The following GPC5 variants were observed in gnomAD, a reference collection of about 807,000 sequenced individuals.
GPC5 encodes the protein glypican-5.
Under a neutral mutation model 53.9 loss-of-function variants are expected in GPC5, and 47 were observed. The observed-to-expected ratio is 0.87, with a 90% CI of 0.69 to 1.11. GPC5 has a LOEUF of 1.11. Among genes scored for constraint, GPC5 ranks in the 50% most tolerant of loss-of-function variants. GPC5 has a pLI of 0.00. For synonymous variants in GPC5, 286 were observed against 263.3 expected, an observed-to-expected ratio of 1.09 and a Z score of -0.84; for missense variants, 748 against 713.1, an observed-to-expected ratio of 1.05 and a Z score of -0.56.
intron 6 of GPC5, among the ~76,000 whole-genome samples, chr13:92,131,192 C>T (rs557685168): frequency 4.8e-4 from 73 of 151,896 alleles, no homozygotes; most frequent in Non-Finnish European, 8.8e-4. Context: ...TCAAGGGTTT[C>T]AGAAGGTGTG....
intron 6 of GPC5, among the ~76,000 whole-genome samples, chr13:91,936,525 T>C (rs2039872756): frequency 6.6e-6 from 1 of 152,130 alleles, no homozygotes; most frequent in Non-Finnish European, 1.5e-5. Flanking sequence ...AAGAAACTTG[T>C]AACGAAAGTA....
At chr13:92,607,292 T>C (rs937537872) in intron 7 of GPC5, among the ~76,000 whole-genome samples, 3 of 152,214 alleles carry the variant, frequency 2.0e-5, no homozygotes, top group African/African-American at 7.2e-5. Flanking sequence ...TCAATTACTT[T>C]TAATGATTGT....
chr13:92,258,553 C>CA lies in GPC5; in HGVS notation c.1561+113567dup, dbSNP rs2042743040. Among the ~76,000 whole-genome samples, 7 of 152,198 alleles carry CA rather than the reference C, an allele frequency of 4.6e-5. No individual in the cohort carries two copies. The South Asian group carries it at 1.5e-3, about 32-fold the overall frequency. On this transcript the variant is annotated intron_variant, in intron 7 of 7. Coordinates refer to ENST00000377067, the MANE Select transcript of GPC5 (RefSeq NM_004466.6). ...TTTCCATTTTAACTTATAACTAGTGCAAAGGTAAAACACTTTTTGGATTTA... is the reference window on the plus strand; with the variant it reads ...TTTCCATTTTAACTTATAACTAGTGCAAAAGGTAAAACACTTTTTGGATTTA...
At chr13:92,685,513 A>T (rs9523765) in intron 7 of GPC5, among the ~76,000 whole-genome samples, 78,344 of 148,750 alleles carry the variant, frequency 0.53, 21,393 homozygotes, top group East Asian at 0.82. Context: ...TTTTAAAAAA[A>T]TAATCAAGTT....
chr13:92,126,473 T>A (rs188496686), intron 6 of GPC5, among the ~76,000 whole-genome samples: 1 of 152,132 alleles, frequency 6.6e-6, no homozygotes, highest in Non-Finnish European at 1.5e-5. Flanking sequence ...AAGTAATAAG[T>A]AATGTGGGAA....
At chr13:91,596,986 T>C (rs1335650255) in intron 2 of GPC5, among the ~76,000 whole-genome samples, 3 of 152,216 alleles carry the variant, frequency 2.0e-5, no homozygotes, top group Non-Finnish European at 4.4e-5. Context: ...CTTTGATTTC[T>C]CCAGACTCTC....
chr13:92,716,011 CTAAGTT>C (rs1010279589), intron 7 of GPC5, among the ~76,000 whole-genome samples: 1 of 151,974 alleles, frequency 6.6e-6, no homozygotes, highest in African/African-American at 2.4e-5. Context: ...ATATTTTTGC[CTAAGTT>C]TTTCTTTTTC....
At chr13:92,747,513 G>C (rs1238335759) in intron 7 of GPC5, among the ~76,000 whole-genome samples, 1 of 151,984 alleles carries the variant, frequency 6.6e-6, no homozygotes, top group Non-Finnish European at 1.5e-5. Flanking sequence ...CAAGTCACTG[G>C]GGGTATGCAT....
At chr13:92,073,917 C>T (rs2041233056) in intron 6 of GPC5, among the ~76,000 whole-genome samples, 1 of 152,190 alleles carries the variant, frequency 6.6e-6, no homozygotes, top group Non-Finnish European at 1.5e-5. Context: ...AGTGAGTTCT[C>T]ATGAGAGCTG....
chr13:91,692,784 C>A (rs2035783505), intron 2 of GPC5, among the ~76,000 whole-genome samples: 1 of 152,186 alleles, frequency 6.6e-6, no homozygotes, highest in Non-Finnish European at 1.5e-5. Flanking sequence ...ACTGGGATTA[C>A]AGGCATCTGC....
intron 5 of GPC5, among the ~76,000 whole-genome samples, chr13:91,761,340 G>A (rs1429936919): frequency 1.3e-5 from 2 of 152,026 alleles, no homozygotes; most frequent in East Asian, 1.9e-4. Flanking sequence ...TCATCAACAC[G>A]GAACTTCTGT....
chr13:92,732,178 A>AGTATAT (rs1888826190), intron 7 of GPC5, among the ~76,000 whole-genome samples: 1 of 151,664 alleles, frequency 6.6e-6, no homozygotes, highest in Admixed American at 6.6e-5. Context: ...CTTTCAAAAC[A>AGTATAT]GTATATGCTC....
intron 7 of GPC5, among the ~76,000 whole-genome samples, chr13:92,255,564 A>G (rs2042721156): frequency 6.6e-6 from 1 of 152,174 alleles, no homozygotes; most frequent in Non-Finnish European, 1.5e-5. Context: ...TGAAATTTTA[A>G]TAAGAATATA....
intron 1 of GPC5, among the ~76,000 whole-genome samples, chr13:91,443,534 G>A (rs1372035589): frequency 6.6e-6 from 1 of 152,148 alleles, no homozygotes; most frequent in Non-Finnish European, 1.5e-5. Flanking sequence ...CTTTTGATAT[G>A]GCCTGGTAGT....
chr13:92,585,028 G>A (rs138663572), intron 7 of GPC5, among the ~76,000 whole-genome samples: 135 of 152,122 alleles, frequency 8.9e-4, no homozygotes, highest in African/African-American at 3.2e-3. Context: ...GGTAAGGGGG[G>A]GCTCATGGAG....
At chr13:92,510,027 C>A (rs1330797648) in intron 7 of GPC5, 2 of 152,038 alleles carry the variant, frequency 1.3e-5, no homozygotes, top group Non-Finnish European at 2.9e-5. Context: ...ATTGTACATA[C>A]AAATAACATA....
intron 7 of GPC5, among the ~76,000 whole-genome samples, chr13:92,572,842 A>G (rs1883073762): frequency 6.6e-6 from 1 of 152,222 alleles, no homozygotes; most frequent in African/African-American, 2.4e-5. Flanking sequence ...GGGGGATTGC[A>G]GTTCTCTATT....
intron 7 of GPC5, among the ~76,000 whole-genome samples, chr13:92,865,495 G>C (rs1879308949): frequency 6.6e-6 from 1 of 152,168 alleles, no homozygotes; most frequent in South Asian, 2.1e-4. Context: ...GGCTGCCAGG[G>C]GATGGATGTG....
chr13:91,967,708 T>C (rs2040194018), intron 6 of GPC5, among the ~76,000 whole-genome samples: 1 of 152,082 alleles, frequency 6.6e-6, no homozygotes, highest in Non-Finnish European at 1.5e-5. Flanking sequence ...TATATATTAT[T>C]GTTAATTTTG....
Sources: allele counts gnomAD v4.1 joint callset (sites outside exome capture counted in the v4.1 genomes callset), GRCh38; gene constraint gnomAD v4.1.1; transcripts MANE v1.5; gene names NCBI Gene and HGNC (gene_info 2026-07-23, HGNC 2026-07-21).